The following SLC35F2 variants were observed in gnomAD, a reference collection of about 807,000 sequenced individuals.
SLC35F2 encodes the protein solute carrier family 35 member F2.
A neutral mutation model predicts 38.1 loss-of-function variants in SLC35F2; 25 were observed. The ratio of observed to expected loss-of-function variants is 0.66; its 90% CI spans 0.48 to 0.92. The LOEUF is 0.92. Ranked by LOEUF, SLC35F2 falls within the 40% of genes least tolerant of loss-of-function variation. The probability of loss-of-function intolerance (pLI) is 0.00; values close to 1 mark genes in which losing one functional copy is unlikely to be tolerated. For missense variants in SLC35F2, 409 were observed against 452.9 expected, an observed-to-expected ratio of 0.90 and a Z score of 0.88; for synonymous variants, 173 against 181.7, an observed-to-expected ratio of 0.95 and a Z score of 0.38.
intron 6 of SLC35F2, among the ~76,000 whole-genome samples, chr11:107,804,439 T>C (rs1859363998): frequency 6.6e-6 from 1 of 152,178 alleles, no homozygotes; most frequent in African/African-American, 2.4e-5. Flanking sequence ...ACAGATCTAA[T>C]TGAAAGCTGG....
At chr11:107,835,199 C>T (rs1173884052) in intron 1 of SLC35F2, among the ~76,000 whole-genome samples, 1 of 152,204 alleles carries the variant, frequency 6.6e-6, no homozygotes. Context: ...AAGGTAACTA[C>T]ACCTACAGGC....
chr11:107,823,319 G>A, intron 1 of SLC35F2: 2 of 558,138 alleles, frequency 3.6e-6, no homozygotes, highest in Non-Finnish European at 4.5e-6. Context: ...TGCAAATTAT[G>A]CATTCCCTTC....
Position 107,815,862 on chromosome 11 carries a change from G to C in SLC35F2, c.214C>G (p.Pro72Ala). The C allele has an allele frequency of 6.2e-7, 1 of 1,614,028 alleles. No individual in the cohort carries two copies. The highest frequency in any genetic ancestry group is 8.5e-7 in the Non-Finnish European group (1 of 1,180,006). ...TAATTGATAAAGCTCTGAAGCATGG[G>C]GGTGTTCACTTTGTATCTTTCTGCC... Reference protein sequence around the residue: ...YLAERYKVNTPMLQSFINYCL... With the variant: ...YLAERYKVNTAMLQSFINYCL... The change falls in exon 2 of 8, where the codon CCC (proline) becomes GCC (alanine). Residue 72 changes from proline to alanine, a missense_variant. By Grantham distance (27) the Pro-to-Ala change is conservative. Coordinates refer to ENST00000525815, the MANE Select transcript of SLC35F2 (RefSeq NM_017515.5).
intron 1 of SLC35F2, among the ~76,000 whole-genome samples, chr11:107,850,215 G>T (rs4753821): frequency 0.44 from 66,812 of 151,906 alleles, 14,809 homozygotes; most frequent in Admixed American, 0.54. Flanking sequence ...CTATCATCTC[G>T]TTCTTCAGCA....
intron 1 of SLC35F2, among the ~76,000 whole-genome samples, chr11:107,825,371 T>C (rs1181832016): frequency 6.8e-6 from 1 of 146,432 alleles, no homozygotes; most frequent in Non-Finnish European, 1.5e-5. Flanking sequence ...CTTTTTTTTT[T>C]TTTTTTTCTT....
At chr11:107,843,867 AAATATATATATAT>A (rs1423457718) in intron 1 of SLC35F2, among the ~76,000 whole-genome samples, 172 of 30,696 alleles carry the variant, frequency 5.6e-3, no homozygotes, top group East Asian at 0.01. Context: ...AAAAAAAAAA[AAATATATATATAT>A]ATATATATAT....
chr11:107,821,375 T>C lies in SLC35F2; in HGVS notation c.111-5410A>G, dbSNP rs974805412. On this transcript the variant is annotated intron_variant, in intron 1 of 7. Coordinates refer to ENST00000525815, the MANE Select transcript of SLC35F2 (RefSeq NM_017515.5). Reference sequence around the variant, plus strand: ...CAAATTGAGTATGGAGATTTAAAGTTACAGGAATGCACTTCTCTTGGCTCC... The same window carrying C: ...CAAATTGAGTATGGAGATTTAAAGTCACAGGAATGCACTTCTCTTGGCTCC... The C allele has an allele frequency of 3.1e-6, 3 of 977,494 alleles. No individual in the cohort carries two copies. In the Admixed American group the frequency reaches 1.8e-4, roughly 60 times the overall value. 60.6% of individuals were successfully genotyped at this position (977,494 alleles called of 1,614,324 possible).
Position 107,815,774 on chromosome 11 carries a change from TCCA to T in SLC35F2, c.286+13_286+15del. 1 of 1,571,184 alleles carries T rather than the reference TCCA, an allele frequency of 6.4e-7. No individual in the cohort carries two copies. The stretch of plus-strand genomic sequence containing the variant: ...AGATAATTTTGTTGAAAAGATAATT[TCCA>T]CATTTGACATACCTGATCGAAATGC... On this transcript the variant is annotated intron_variant, in intron 2 of 7. Coordinates refer to ENST00000525815, the MANE Select transcript of SLC35F2 (RefSeq NM_017515.5).
rs1252104414 is a variant in SLC35F2, at chr11:107,829,124, G to GA, written c.111-13160dup. Among the ~76,000 whole-genome samples, 239 of 118,524 alleles carry GA rather than the reference G, an allele frequency of 2.0e-3. 4 individuals carry two copies. The highest frequency in any genetic ancestry group is 4.9e-3 in the African/African-American group (156 of 31,802). The allele number at this position is 118,524 out of a possible 152,430, so 77.8% of individuals were successfully genotyped here. On this transcript the variant is annotated intron_variant, in intron 1 of 7. Transcript: ENST00000525815. ...CTGTCTTGGAGCAGGAGGTCAGTAG[G>GA]AAAAAAAAAAAAGAAAAAAAAAAAA... is the stretch of plus-strand genomic sequence containing the variant.
intron 1 of SLC35F2, among the ~76,000 whole-genome samples, chr11:107,836,671 C>A (rs892885580): frequency 6.6e-6 from 1 of 152,176 alleles, no homozygotes; most frequent in Non-Finnish European, 1.5e-5. Context: ...GGAATTGATT[C>A]TCCCCTAAAA....
At chr11:107,795,831 T>A (rs1859208643) in intron 7 of SLC35F2, among the ~76,000 whole-genome samples, 1 of 152,156 alleles carries the variant, frequency 6.6e-6, no homozygotes, top group Non-Finnish European at 1.5e-5. Context: ...CTGGCAAGGA[T>A]GTATAGAAAA....
At chr11:107,796,506 A>C (rs1437810957) in intron 7 of SLC35F2, among the ~76,000 whole-genome samples, 1 of 152,254 alleles carries the variant, frequency 6.6e-6, no homozygotes, top group Non-Finnish European at 1.5e-5. Flanking sequence ...TCATTATGTT[A>C]AATGAAATAA....
At chr11:107,843,145 A>G (rs902307463) in intron 1 of SLC35F2, among the ~76,000 whole-genome samples, 1 of 152,224 alleles carries the variant, frequency 6.6e-6, no homozygotes, top group African/African-American at 2.4e-5. Context: ...GGTACAAAGC[A>G]ATATTAAAAT....
At chr11:107,857,339 G>C (rs1226105393) in intron 1 of SLC35F2, among the ~76,000 whole-genome samples, 2 of 140,956 alleles carry the variant, frequency 1.4e-5, no homozygotes, top group Non-Finnish European at 1.5e-5. Flanking sequence ...AGGAAGGAGA[G>C]AGAGGGAAGG....
rs11371777 is a variant in SLC35F2 at position 107,792,161 on chromosome 11, C to CA, written c.*453dup. The CA allele has an allele frequency of 0.048, 3,699 of 77,752 alleles. 103 individuals carry two copies. Among genetic ancestry groups the CA allele is most frequent in the African/African-American group, 0.086 (1,703 of 19,892 alleles). The allele number at this position is 77,752 out of a possible 1,614,324, so 4.8% of individuals were successfully genotyped here. On this transcript the variant is annotated 3_prime_UTR_variant, in exon 8 of 8. Coordinates refer to ENST00000525815, the MANE Select transcript of SLC35F2 (RefSeq NM_017515.5). ...GGCCTGTGGACAATAACTGCCTCAG[C>CA]AAAAAAAAAAAAAAAAAAAAACCTT...
rs1328711705 is a variant in SLC35F2 at position 107,794,697 on chromosome 11, T to C, written c.940-1897A>G. Among the ~76,000 whole-genome samples, 3 of 152,164 alleles carry C rather than the reference T, an allele frequency of 2.0e-5. No homozygotes were observed. The East Asian group carries it at 5.8e-4, about 29-fold the overall frequency. On this transcript the variant is annotated intron_variant, in intron 7 of 7. Coordinates refer to ENST00000525815, the MANE Select transcript of SLC35F2 (RefSeq NM_017515.5). ...CTATTCAACATAGTACTGGAAGTCC[T>C]AGCCAGAGCAATTAGGCAAGAAAAA...
At chr11:107,829,131 A>G (rs1258999594) in intron 1 of SLC35F2, among the ~76,000 whole-genome samples, 3 of 149,768 alleles carry the variant, frequency 2.0e-5, no homozygotes, top group African/African-American at 7.5e-5. Context: ...TAGGAAAAAA[A>G]AAAAAGAAAA....
rs1309624172 is a variant in SLC35F2, at chr11:107,791,574, T to TAAAC, written c.*1037_*1040dup. 3.9e-5 allele frequency: 6 copies of TAAAC among 152,232 alleles called. No homozygotes were observed. The highest frequency in any genetic ancestry group is 6.8e-3 in the Middle Eastern group (2 of 294). The allele number at this position is 152,232 out of a possible 1,614,324, so 9.4% of individuals were successfully genotyped here. ...TGGAATGAGTGATGGAGAAATGTTTTAAACAAACAAACAAACAGGCCAGGC... is the reference window on the plus strand; with the variant it reads ...TGGAATGAGTGATGGAGAAATGTTTTAAACAAACAAACAAACAAACAGGCCAGGC... On this transcript the variant is annotated 3_prime_UTR_variant, in exon 8 of 8. Transcript: ENST00000525815.
intron 1 of SLC35F2, among the ~76,000 whole-genome samples, chr11:107,822,125 T>C (rs1859680987): frequency 6.6e-6 from 1 of 152,040 alleles, no homozygotes; most frequent in Non-Finnish European, 1.5e-5. Context: ...TGCCTGTAAT[T>C]CCAGCTACTC....
Sources: allele counts gnomAD v4.1 joint callset (sites outside exome capture counted in the v4.1 genomes callset), GRCh38; gene constraint gnomAD v4.1.1; transcripts MANE v1.5; gene names NCBI Gene and HGNC (gene_info 2026-07-23, HGNC 2026-07-21).